ANTXR1: variants seen among roughly 807,000 people sequenced by gnomAD.
ANTXR1 encodes the protein anthrax toxin receptor 1.
Under a neutral mutation model 78.1 loss-of-function variants are expected in ANTXR1, and 19 were observed. The observed-to-expected ratio is 0.24, with a 90% CI of 0.17 to 0.36. ANTXR1 has a LOEUF of 0.36. Ranked by LOEUF, ANTXR1 falls within the 10% of genes least tolerant of loss-of-function variation. The probability of loss-of-function intolerance (pLI) is 1.00; values close to 1 mark genes in which losing one functional copy is unlikely to be tolerated. For missense variants in ANTXR1, 518 were observed against 718.6 expected (o/e 0.72, Z 3.19); for synonymous variants, 273 against 260.5 (o/e 1.05, Z -0.46).
intron 12 of ANTXR1, chr2:69,145,953 G>A (rs1673214714): frequency 1.0e-6 from 1 of 985,542 alleles, no homozygotes; most frequent in Non-Finnish European, 1.2e-6. Context: ...ATACCTTTGA[G>A]AACAGTGCCT....
intron 3 of ANTXR1, among the ~76,000 whole-genome samples, chr2:69,049,879 C>A (rs747948492): frequency 6.6e-6 from 1 of 152,102 alleles, no homozygotes; most frequent in Non-Finnish European, 1.5e-5. Flanking sequence ...TCTTCAAATG[C>A]GAGATTATTA....
In ANTXR1 at chr2:69,123,081, T is replaced by C. The variant is rs1672406450; in HGVS notation, c.867T>C (p.Val289=). The C allele has an allele frequency of 1.9e-6, 3 of 1,614,118 alleles. No homozygotes were observed. In the East Asian group the frequency reaches 6.7e-5, roughly 36 times the overall value. Residue 289 remains valine (V), a synonymous_variant, in exon 11 of 18, where the codon GTT becomes GTC. Transcript: ENST00000303714. ...LLCPAPILKE[V]GMKAALQVSM... ...GTCCAGCGCCTATCTTAAAAGAAGT[T>C]GGCATGTAAGTTTTCACCAGCAACT...
intron 10 of ANTXR1, among the ~76,000 whole-genome samples, chr2:69,119,945 C>A (rs139095189): frequency 3.3e-4 from 51 of 152,356 alleles, no homozygotes; most frequent in African/African-American, 1.0e-3. Context: ...AGATTGCCTG[C>A]ATGCAACATG....
intron 12 of ANTXR1, among the ~76,000 whole-genome samples, chr2:69,151,579 A>G (rs1673399410): frequency 6.6e-6 from 1 of 152,026 alleles, no homozygotes; most frequent in Non-Finnish European, 1.5e-5. Context: ...CCTCATTCCC[A>G]TGTAGCCACT....
rs58800624 is a variant in ANTXR1, at chr2:69,119,193, C to T, written c.803-3824C>T. Among the ~76,000 whole-genome samples the T allele has an allele frequency of 3.8e-3, 575 of 152,304 alleles. 4 individuals are homozygous for T. Among genetic ancestry groups the T allele is most frequent in the African/African-American group, 0.013 (545 of 41,572 alleles). ...GAGAGAGGAGTTGTCCAGAGGCAGCCGGAAGTGAGGCCAGGCGCTAACCCA... is the reference window on the plus strand; with the variant it reads ...GAGAGAGGAGTTGTCCAGAGGCAGCTGGAAGTGAGGCCAGGCGCTAACCCA... On this transcript the variant is annotated intron_variant, in intron 10 of 17. Transcript: ENST00000303714.
chr2:69,099,372 T>A (rs1326985797), intron 9 of ANTXR1, among the ~76,000 whole-genome samples: 1 of 152,232 alleles, frequency 6.6e-6, no homozygotes, highest in Non-Finnish European at 1.5e-5. Flanking sequence ...GTTATTTCCA[T>A]TTTTTGGCTG....
chr2:69,145,656 C>A (rs1195521728), intron 12 of ANTXR1: 1 of 1,200,948 alleles, frequency 8.3e-7, no homozygotes, highest in African/African-American at 1.6e-5. Context: ...CTGGTGCAGA[C>A]CCAACTTTGA....
At chr2:69,178,373 A>G (rs1674187679) in intron 14 of ANTXR1, among the ~76,000 whole-genome samples, 1 of 152,160 alleles carries the variant, frequency 6.6e-6, no homozygotes, top group African/African-American at 2.4e-5. Flanking sequence ...TTGGCAGGCC[A>G]GCTCCGGTCA....
At chr2:69,193,003 T>C (rs139546382) in intron 16 of ANTXR1, among the ~76,000 whole-genome samples, 17 of 152,198 alleles carry the variant, frequency 1.1e-4, no homozygotes, top group Admixed American at 1.1e-3. Context: ...TTTGGAAAGA[T>C]TGACTTGTGG....
rs113374381 is a variant in ANTXR1, at chr2:69,096,216, T to C, written c.703+5297T>C. 5.8e-4 allele frequency among the ~76,000 whole-genome samples: 83 copies of C among 142,056 alleles called. 2 individuals are homozygous for C. The highest frequency in any genetic ancestry group is 2.3e-3 in the African/African-American group (77 of 34,090). The allele number at this position is 142,056 out of a possible 152,430, so 93.2% of individuals were successfully genotyped here. A position where few individuals can be genotyped will look rare whatever the true frequency, so the allele number is the denominator to read the frequency against. On this transcript the variant is annotated intron_variant, in intron 9 of 17. Coordinates refer to ENST00000303714, the MANE Select transcript of ANTXR1 (RefSeq NM_032208.3). ...GAGCTTGCAGTGAGCCGAGATCATGTCACTGCACTCCAGCCTGGGCAACAG... is the reference window on the plus strand; with the variant it reads ...GAGCTTGCAGTGAGCCGAGATCATGCCACTGCACTCCAGCCTGGGCAACAG...
At chr2:69,198,546 G>T (rs576629943) in intron 17 of ANTXR1, among the ~76,000 whole-genome samples, 1 of 152,118 alleles carries the variant, frequency 6.6e-6, no homozygotes, top group Non-Finnish European at 1.5e-5. Context: ...GACATTTAAA[G>T]TCTAACCATG....
chr2:69,027,640 ATGTGTG>A (rs1553430956), intron 1 of ANTXR1, among the ~76,000 whole-genome samples: 2 of 100,182 alleles, frequency 2.0e-5, no homozygotes, highest in Admixed American at 1.1e-4. Context: ...GTGTGTGTGT[ATGTGTG>A]TGTGTGTGTG....
intron 13 of ANTXR1, among the ~76,000 whole-genome samples, chr2:69,160,970 C>T (rs79270067): frequency 6.6e-6 from 1 of 152,166 alleles, no homozygotes; most frequent in African/African-American, 2.4e-5. Context: ...TGTGCCCTCC[C>T]TGGAGGCTGT....
chr2:69,242,373 C>T (rs901101249), intron 17 of ANTXR1, among the ~76,000 whole-genome samples: 3 of 152,112 alleles, frequency 2.0e-5, no homozygotes, highest in South Asian at 4.1e-4. Context: ...TTTTTGAAAA[C>T]CCCTGGGAAT....
chr2:69,070,689 G>A lies in ANTXR1; in HGVS notation c.339G>A (p.Leu113=), dbSNP rs1483583029. The change falls in exon 4 of 18, where the codon CTG becomes CTA. Residue 113 remains leucine, a synonymous_variant. Transcript: ENST00000303714. ...RQGLEELQKV[L]PGGDTYMHEG... The stretch of plus-strand genomic sequence containing the variant: ...GCCTAGAAGAACTCCAGAAAGTTCT[G>A]CCAGGAGGAGACACTTACATGCATG... 6.2e-7 allele frequency: 1 copy of A among 1,614,018 alleles called. No homozygotes were observed. The highest frequency in any genetic ancestry group is 1.3e-5 in the African/African-American group (1 of 74,912).
intron 1 of ANTXR1, 125 bp from the exon 2 acceptor site, chr2:69,039,919 G>T (rs1669564195): frequency 5.3e-6 from 4 of 761,306 alleles, no homozygotes; most frequent in Non-Finnish European, 9.1e-6. Flanking sequence ...AGTTACAGAA[G>T]TTTCAAGTAA....
At chr2:69,145,327 G>T in intron 12 of ANTXR1, 1 of 1,593,254 alleles carries the variant, frequency 6.3e-7, no homozygotes, top group Non-Finnish European at 8.6e-7. Flanking sequence ...TTCTTAAAGA[G>T]CCTCCACAAA....
intron 9 of ANTXR1, among the ~76,000 whole-genome samples, chr2:69,100,249 A>G (rs1045613157): frequency 2.0e-5 from 3 of 152,196 alleles, no homozygotes; most frequent in African/African-American, 4.8e-5. Context: ...CATAACGTCT[A>G]TGTGTGAAGA....
intron 10 of ANTXR1, among the ~76,000 whole-genome samples, chr2:69,110,733 G>A (rs1671953539): frequency 1.3e-5 from 2 of 151,972 alleles, no homozygotes; most frequent in South Asian, 4.2e-4. Flanking sequence ...ATGGTGGTGC[G>A]CACCTGTAGT....
Sources: gnomAD v4.1 joint callset for allele counts (sites outside exome capture counted in the v4.1 genomes callset) on GRCh38, gnomAD v4.1.1 for gene constraint, MANE v1.5 for transcripts, NCBI Gene and HGNC (gene_info 2026-07-23, HGNC 2026-07-21) for gene names.